Variants in MED13L observed in about 807,000 individuals in gnomAD.
MED13L encodes the protein mediator of RNA polymerase II transcription subunit 13-like.
In MED13L, 7 loss-of-function variants were observed where a neutral mutation model predicts 220.9. That is an observed-to-expected ratio of 0.03 (90% confidence interval 0.02 to 0.06). The LOEUF is 0.06. MED13L is among the 10% of genes least tolerant of loss of function. MED13L has a pLI of 1.00. For synonymous variants in MED13L, 1,011 were observed against 1,015.2 expected (o/e 1.00, Z 0.08); for missense variants, 1,965 against 2,760.5 (o/e 0.71, Z 6.46).
At chr12:116,213,129 A>AG (rs564139149) in intron 2 of MED13L, among the ~76,000 whole-genome samples, 5 of 152,148 alleles carry the variant, frequency 3.3e-5, no homozygotes, top group Admixed American at 6.6e-5. Flanking sequence ...TCTACAATTT[A>AG]AACTTCATCT....
At chr12:115,995,893 T>C (rs1181578709) in intron 16 of MED13L, among the ~76,000 whole-genome samples, 1 of 152,200 alleles carries the variant, frequency 6.6e-6, no homozygotes, top group Non-Finnish European at 1.5e-5. Flanking sequence ...GTACAGCATG[T>C]CCTGAACGTG....
intron 3 of MED13L, among the ~76,000 whole-genome samples, chr12:116,106,673 C>T (rs1266990786): frequency 6.6e-6 from 1 of 151,926 alleles, no homozygotes; most frequent in Non-Finnish European, 1.5e-5. Flanking sequence ...GGTGATACCC[C>T]ATCTCTACTA....
chr12:115,991,036 A>T lies in MED13L; in HGVS notation c.3918T>A (p.Ser1306=), dbSNP rs1198070446. Residue 1306 remains serine (S), a synonymous_variant, in exon 17 of 31, where the codon TCT becomes TCA. Transcript: ENST00000281928. This position sits in a 1 kb window ranked among gnomAD's most constrained non-coding sequence, Gnocchi z 7.7. The stretch of plus-strand genomic sequence containing the variant: ...GACACCTACCATTGCTGTGAGGCCA[A>T]GAGTGCACAGTGGCACTTCTCACCA... ...EALVRSATVH[S]WPHSNVLDIS... 6.2e-7 allele frequency: 1 copy of T among 1,614,080 alleles called. No individual in the cohort carries two copies. Among genetic ancestry groups the T allele is most frequent in the Non-Finnish European group, 8.5e-7 (1 of 1,180,018 alleles).
At chr12:116,051,113 G>C (rs1452975602) in intron 4 of MED13L, among the ~76,000 whole-genome samples, 7 of 151,828 alleles carry the variant, frequency 4.6e-5, no homozygotes, top group Non-Finnish European at 8.8e-5. Flanking sequence ...AAGGAAATGG[G>C]TTGTTTATAG....
At chr12:116,267,226 A>G (rs977897316) in intron 1 of MED13L, among the ~76,000 whole-genome samples, 13 of 152,242 alleles carry the variant, frequency 8.5e-5, no homozygotes, top group Admixed American at 8.5e-4. Flanking sequence ...TTAAAGGCAC[A>G]CCATGCAACT....
chr12:116,106,107 C>T (rs1192291487), intron 3 of MED13L, among the ~76,000 whole-genome samples: 1 of 152,180 alleles, frequency 6.6e-6, no homozygotes, highest in East Asian at 1.9e-4. Flanking sequence ...GCAACATGAG[C>T]ATGAAATAAA....
chr12:116,176,952 T>C (rs1164214525), intron 2 of MED13L, among the ~76,000 whole-genome samples: 3 of 151,110 alleles, frequency 2.0e-5, no homozygotes, highest in Non-Finnish European at 2.9e-5. Context: ...CCATTCCATA[T>C]ACACTCCCTC....
At chr12:116,163,036 G>A (rs1354033907) in intron 2 of MED13L, among the ~76,000 whole-genome samples, 1 of 152,184 alleles carries the variant, frequency 6.6e-6, no homozygotes, top group African/African-American at 2.4e-5. Context: ...ACCATGCCGA[G>A]TTTAAATAAA....
chr12:116,246,718 G>A (rs1194438481), intron 1 of MED13L, among the ~76,000 whole-genome samples: 3 of 126,954 alleles, frequency 2.4e-5, no homozygotes, highest in Non-Finnish European at 4.9e-5. Flanking sequence ...GGCTCAAGCA[G>A]AAGGATCACC....
chr12:116,074,486 C>G (rs929922987), intron 4 of MED13L, among the ~76,000 whole-genome samples: 3 of 152,126 alleles, frequency 2.0e-5, no homozygotes, highest in Non-Finnish European at 2.9e-5. Flanking sequence ...TTTATGTCAC[C>G]TAATAGACAA....
In MED13L at chr12:116,015,104, C is replaced by T. The variant is rs567368642; in HGVS notation, c.1175+5G>A. ...TATGATCTAGACATAATCGAGAAAA[C>T]TTACTTGGACTGGGTTCTGTTGAGG... On this transcript the variant is annotated splice_donor_5th_base_variant and intron_variant, in intron 8 of 30. Coordinates refer to ENST00000281928, the MANE Select transcript of MED13L (RefSeq NM_015335.5). 1.2e-4 allele frequency: 198 copies of T among 1,612,458 alleles called. 5 individuals are homozygous for T. In the South Asian group the frequency reaches 2.1e-3, roughly 17 times the overall value.
intron 4 of MED13L, among the ~76,000 whole-genome samples, chr12:116,026,900 T>C (rs1000863079): frequency 1.2e-4 from 19 of 152,140 alleles, no homozygotes; most frequent in African/African-American, 4.3e-4. Flanking sequence ...AACTATGGTA[T>C]GTAAGCCACA....
At chr12:116,208,450 C>A (rs542526696) in intron 2 of MED13L, among the ~76,000 whole-genome samples, 4 of 152,280 alleles carry the variant, frequency 2.6e-5, no homozygotes, top group African/African-American at 9.6e-5. Flanking sequence ...TTTTAATCCA[C>A]GAGTTCACGA....
intron 2 of MED13L, among the ~76,000 whole-genome samples, chr12:116,157,064 T>C (rs1878499600): frequency 6.6e-6 from 1 of 151,938 alleles, no homozygotes. Flanking sequence ...ACTTGTACTA[T>C]AGCAGTCAAG....
chr12:116,043,623 T>G (rs758307998), intron 4 of MED13L, among the ~76,000 whole-genome samples: 3 of 152,200 alleles, frequency 2.0e-5, no homozygotes, highest in Non-Finnish European at 4.4e-5. Context: ...CAAGTTAAAC[T>G]GGGAACCAAG....
intron 4 of MED13L, among the ~76,000 whole-genome samples, chr12:116,028,958 T>C (rs1880560790): frequency 6.6e-6 from 1 of 152,192 alleles, no homozygotes; most frequent in African/African-American, 2.4e-5. Context: ...CCATCACGAA[T>C]AATCTTTATG....
chr12:116,220,066 G>A (rs1883221648), intron 2 of MED13L, among the ~76,000 whole-genome samples: 1 of 152,034 alleles, frequency 6.6e-6, no homozygotes. Context: ...AAAGTGCTGG[G>A]ATTACAGGTG....
intron 13 of MED13L, among the ~76,000 whole-genome samples, chr12:116,004,513 T>G (rs1566004556): frequency 6.6e-6 from 1 of 152,158 alleles, no homozygotes; most frequent in Non-Finnish European, 1.5e-5. Context: ...AGTTCAGTTC[T>G]ATACTCAGCA....
intron 3 of MED13L, among the ~76,000 whole-genome samples, chr12:116,098,964 C>T (rs1372543196): frequency 6.6e-6 from 1 of 152,164 alleles, no homozygotes; most frequent in African/African-American, 2.4e-5. Flanking sequence ...TCCACTAGAA[C>T]TCTAGTGTTT....
Sources: gnomAD v4.1 joint callset for allele counts (sites outside exome capture counted in the v4.1 genomes callset) on GRCh38, gnomAD v4.1.1 for gene constraint, Gnocchi (gnomAD v3.1) non-coding constraint, MANE v1.5 for transcripts, NCBI Gene and HGNC (gene_info 2026-07-23, HGNC 2026-07-21) for gene names.